Variants in CACNA1I observed in about 807,000 individuals in gnomAD.
CACNA1I encodes the protein calcium voltage-gated channel subunit alpha1 I, also known as voltage-dependent T-type calcium channel subunit alpha-1I.
Under a neutral mutation model 201.6 loss-of-function variants are expected in CACNA1I, and 74 were observed. The ratio of observed to expected loss-of-function variants is 0.37; its 90% confidence interval spans 0.30 to 0.45. The LOEUF is 0.45. CACNA1I is among the 20% of genes least tolerant of loss of function. CACNA1I has a pLI of 1.00. For missense variants in CACNA1I, 2,346 were observed against 3,138.1 expected, an observed-to-expected ratio of 0.75 and a Z score of 6.03; for synonymous variants, 1,431 against 1,345.2, an observed-to-expected ratio of 1.06 and a Z score of -1.40.
intron 4 of CACNA1I, among the ~76,000 whole-genome samples, chr22:39,630,442 G>A (rs1350661510): frequency 6.6e-6 from 1 of 152,230 alleles, no homozygotes; most frequent in Non-Finnish European, 1.5e-5. Flanking sequence ...CTAGCACAGT[G>A]CCCGGCACGG....
At position 39,689,280 on chromosome 22, in the gene CACNA1I, C is replaced by G. The variant is rs78888704; in HGVS notation, c.*2875C>G. Reference sequence around the variant, plus strand: ...TTCCTCTCCCCTGCTCTACCTTCTCCGGCACCAGGCAGCCCCTTAAAGGAG... The same window carrying G: ...TTCCTCTCCCCTGCTCTACCTTCTCGGGCACCAGGCAGCCCCTTAAAGGAG... On this transcript the variant is annotated 3_prime_UTR_variant, in exon 37 of 37. Coordinates refer to ENST00000402142, the MANE Select transcript of CACNA1I (RefSeq NM_021096.4). 8.8e-3 allele frequency: 1,342 copies of G among 153,122 alleles called. 15 individuals carry two copies. Among genetic ancestry groups the G allele is most frequent in the South Asian group, 0.043 (210 of 4,828 alleles). 9.5% of individuals were successfully genotyped at this position (153,122 alleles called of 1,614,324 possible).
At chr22:39,630,156 C>T (rs1052350633) in intron 4 of CACNA1I, among the ~76,000 whole-genome samples, 21 of 152,176 alleles carry the variant, frequency 1.4e-4, no homozygotes, top group Non-Finnish European at 8.8e-5. Context: ...ACTCTGCCAC[C>T]CCTTCCCTGT....
chr22:39,643,412 G>A (rs1402939366), intron 7 of CACNA1I: 2 of 156,408 alleles, frequency 1.3e-5, no homozygotes, highest in African/African-American at 4.8e-5. Flanking sequence ...AGATGGAGGT[G>A]GGCTCACCCT....
At chr22:39,623,407 G>A (rs1301620406) in intron 4 of CACNA1I, among the ~76,000 whole-genome samples, 2 of 152,056 alleles carry the variant, frequency 1.3e-5, no homozygotes, top group Non-Finnish European at 2.9e-5. Flanking sequence ...CACGTGAATG[G>A]GCACATGTAA....
At chr22:39,598,470 C>G (rs1932945243) in intron 2 of CACNA1I, among the ~76,000 whole-genome samples, 2 of 151,968 alleles carry the variant, frequency 1.3e-5, no homozygotes, top group South Asian at 4.2e-4. Flanking sequence ...TTGGCTGACC[C>G]TTCCTCACTC....
At chr22:39,662,576 G>A (rs1935061038) in intron 17 of CACNA1I, 141 bp downstream of exon 17, 1 of 732,388 alleles carries the variant, frequency 1.4e-6, no homozygotes, top group Non-Finnish European at 2.2e-6. Context: ...GGCTTCAGGT[G>A]TGAGGCAGGA....
chr22:39,679,406 C>T lies in CACNA1I; in HGVS notation c.5355C>T (p.Thr1785=), dbSNP rs1038450829. 65 of 1,447,528 alleles carry T rather than the reference C, an allele frequency of 4.5e-5. No homozygotes were observed. The highest frequency in any genetic ancestry group is 5.5e-5 in the Non-Finnish European group (61 of 1,112,692). 89.7% of individuals were successfully genotyped at this position (1,447,528 alleles called of 1,614,324 possible). A position where few individuals can be genotyped will look rare whatever the true frequency, so the allele number is the denominator to read the frequency against. Residue 1785 remains threonine, a synonymous_variant, in exon 32 of 37, where the codon ACC becomes ACT. Transcript: ENST00000402142. ...GAGGGGCGGGCGGCGGGGGCGACAC[C>T]GAGGGCGGCTTGTGCCGGCGCTGCT... ...GPGGAGGGGD[T]EGGLCRRCYS... is the part of the protein sequence containing the mutation.
chr22:39,641,763 G>A (rs973514491), intron 6 of CACNA1I, among the ~76,000 whole-genome samples: 2 of 152,238 alleles, frequency 1.3e-5, no homozygotes, highest in African/African-American at 2.4e-5. Flanking sequence ...TGCACTGACT[G>A]TCAGCCTATA....
chr22:39,630,812 C>T (rs913012412), intron 4 of CACNA1I, among the ~76,000 whole-genome samples: 1 of 152,376 alleles, frequency 6.6e-6, no homozygotes, highest in Admixed American at 6.5e-5. Flanking sequence ...CTTTCCAGCA[C>T]TGGAAGTGGA....
rs560425492 is a variant in CACNA1I, at chr22:39,647,552, C to T, written c.1463-270C>T. ...TCAGCCTTCGGAGTAGCTGGGACTA[C>T]AGGCATGCACCACCATGCCCGGCTA... On this transcript the variant is annotated intron_variant, in intron 8 of 36. Coordinates refer to ENST00000402142, the MANE Select transcript of CACNA1I (RefSeq NM_021096.4). 2.0e-5 allele frequency among the ~76,000 whole-genome samples: 3 copies of T among 152,212 alleles called. No homozygotes were observed. In the East Asian group the frequency reaches 5.8e-4, roughly 29 times the overall value.
intron 1 of CACNA1I, among the ~76,000 whole-genome samples, chr22:39,586,200 T>C (rs986328951): frequency 8.0e-5 from 12 of 150,528 alleles, no homozygotes; most frequent in Non-Finnish European, 1.5e-4. Context: ...ATTTAAAAAC[T>C]TTATTCTGGC....
rs1242397008 is a variant in CACNA1I, at chr22:39,686,885, C to T, written c.*480C>T. ...CTGGTTAAGAGTAGCTTGGAGAGGA[C>T]CCTCAGGCCTCTGAGGGCACCAGGC... On this transcript the variant is annotated 3_prime_UTR_variant, in exon 37 of 37. Transcript: ENST00000402142. The T allele has an allele frequency of 1.3e-5, 2 of 151,382 alleles. No individual in the cohort carries two copies. The highest frequency in any genetic ancestry group is 4.8e-5 in the African/African-American group (2 of 41,242). The allele number at this position is 151,382 out of a possible 1,614,324, so 9.4% of individuals were successfully genotyped here. A position where few individuals can be genotyped will look rare whatever the true frequency, so the allele number is the denominator to read the frequency against.
Position 39,649,377 on chromosome 22 carries a change from G to T in CACNA1I, c.1568-124G>T. 2.0e-6 allele frequency: 2 copies of T among 1,008,994 alleles called. No individual in the cohort carries two copies. The highest frequency in any genetic ancestry group is 1.4e-6 in the Non-Finnish European group (1 of 716,164). The allele number at this position is 1,008,994 out of a possible 1,614,324, so 62.5% of individuals were successfully genotyped here. A position where few individuals can be genotyped will look rare whatever the true frequency, so the allele number is the denominator to read the frequency against. ...CAGGCACCCCTGACCGCCTTTCCAG[G>T]CTGGGTCGGCTGGTTCCAGGCAGAC... is the stretch of plus-strand genomic sequence containing the variant. On this transcript the variant is annotated intron_variant, in intron 9 of 36. Transcript: ENST00000402142. This position sits in a 1 kb window ranked among gnomAD's most constrained non-coding sequence, Gnocchi z 7.3.
At position 39,659,394 on chromosome 22, in the gene CACNA1I, G is replaced by A. The variant is rs1239825952; in HGVS notation, c.2331-39G>A. 9.0e-6 allele frequency: 12 copies of A among 1,326,278 alleles called. No individual in the cohort carries two copies. In the East Asian group the frequency reaches 3.0e-4, roughly 33 times the overall value. 82.2% of individuals were successfully genotyped at this position (1,326,278 alleles called of 1,614,324 possible). A position where few individuals can be genotyped will look rare whatever the true frequency, so the allele number is the denominator to read the frequency against. ...AAACAAGGTGAGTAGGCAGTTTGGT[G>A]CATGTGAGTCCGATGAGCCTCTTCC... is the stretch of plus-strand genomic sequence containing the variant. On this transcript the variant is annotated intron_variant, in intron 12 of 36. Coordinates refer to ENST00000402142, the MANE Select transcript of CACNA1I (RefSeq NM_021096.4). The surrounding 1 kb of genome is among the most constrained non-coding windows in gnomAD (Gnocchi z 4.3).
intron 3 of CACNA1I, 80 bp downstream of exon 3, chr22:39,600,733 T>G (rs1486640653): frequency 6.8e-7 from 1 of 1,464,188 alleles, no homozygotes; most frequent in Non-Finnish European, 9.0e-7. Context: ...TTCTTGCTGA[T>G]GGCGATGAAG....
At chr22:39,664,623 C>T in intron 20 of CACNA1I, 116 bp from the exon 21 acceptor site, 1 of 458,578 alleles carries the variant, frequency 2.2e-6, no homozygotes, top group Non-Finnish European at 4.0e-6. Context: ...AGGACCCCGC[C>T]CCCTCCCCGA....
intron 1 of CACNA1I, chr22:39,587,897 T>C: frequency 3.3e-6 from 1 of 304,660 alleles, no homozygotes; most frequent in South Asian, 2.9e-5. Context: ...TGCCTCAGCT[T>C]CTGGAGTAGC....
intron 5 of CACNA1I, among the ~76,000 whole-genome samples, chr22:39,637,551 T>TA (rs1180175253): frequency 6.6e-6 from 1 of 152,154 alleles, no homozygotes; most frequent in Non-Finnish European, 1.5e-5. Context: ...GGATGGCTTA[T>TA]ATATACCCAA....
At position 39,662,106 on chromosome 22, in the gene CACNA1I, G is replaced by C. The variant is rs777665583; in HGVS notation, c.3043G>C (p.Ala1015Pro). The C allele has an allele frequency of 8.8e-5, 135 of 1,526,960 alleles. 1 individual carries two copies. The highest frequency in any genetic ancestry group is 1.1e-4 in the Non-Finnish European group (122 of 1,141,370). The allele number at this position is 1,526,960 out of a possible 1,614,324, so 94.6% of individuals were successfully genotyped here. A position where few individuals can be genotyped will look rare whatever the true frequency, so the allele number is the denominator to read the frequency against. Residue 1015 changes from alanine to proline, a missense_variant, in exon 17 of 37, where the codon GCC becomes CCC. This residue lies in a region of CACNA1I where 288 missense variants were observed against 255.2 expected (regional missense o/e 1.13). Transcript: ENST00000402142. Reference sequence around the variant, plus strand: ...GCTCTCTGCGGAGCGCGGCGGCGGCGCCCGGGTCTGCGAGGTTGCCGCGGA... The same window carrying C: ...GCTCTCTGCGGAGCGCGGCGGCGGCCCCCGGGTCTGCGAGGTTGCCGCGGA... ...SLLSAERGGG[A>P]RVCEVAADEG...
Sources: allele counts gnomAD v4.1 joint callset (sites outside exome capture counted in the v4.1 genomes callset), GRCh38; gene constraint gnomAD v4.1.1; regional missense constraint gnomAD v4.1.1; non-coding constraint Gnocchi (gnomAD v3.1); transcripts MANE v1.5; gene names NCBI Gene and HGNC (gene_info 2026-07-23, HGNC 2026-07-21).